The following C1QTNF7 variants were observed in gnomAD, a reference collection of about 807,000 sequenced individuals.
C1QTNF7 encodes the protein complement C1q tumor necrosis factor-related protein 7.
C1QTNF7 carries 15 observed loss-of-function variants against 19.6 expected under a neutral mutation model. The observed-to-expected ratio is 0.76, with a 90% CI of 0.51 to 1.18. C1QTNF7 has a LOEUF of 1.18. C1QTNF7 is among the 50% of genes most tolerant of loss of function. C1QTNF7 has a pLI of 0.00. For missense variants in C1QTNF7, 324 were observed against 359.7 expected (o/e 0.90, Z 0.80); for synonymous variants, 142 against 137.5 (o/e 1.03, Z -0.23).
chr4:15,405,154 T>C (rs917552995), intron 1 of C1QTNF7, among the ~76,000 whole-genome samples: 1 of 152,224 alleles, frequency 6.6e-6, no homozygotes, highest in Non-Finnish European at 1.5e-5. Flanking sequence ...GTTCAGCTGC[T>C]CATTAAAGAC....
chr4:15,374,079 T>C (rs1717833566), intron 1 of C1QTNF7: 1 of 152,194 alleles, frequency 6.6e-6, no homozygotes, highest in Non-Finnish European at 1.5e-5. Context: ...TCTTAAAAGA[T>C]CGAGAGTCAG....
chr4:15,367,444 A>G (rs1717566363), intron 1 of C1QTNF7, among the ~76,000 whole-genome samples: 2 of 152,158 alleles, frequency 1.3e-5, no homozygotes, highest in Admixed American at 6.6e-5. Flanking sequence ...ACCCAGTACT[A>G]CCAGCACCAT....
chr4:15,433,966 G>C (rs531931969), intron 1 of C1QTNF7, among the ~76,000 whole-genome samples: 1 of 152,160 alleles, frequency 6.6e-6, no homozygotes, highest in East Asian at 1.9e-4. Flanking sequence ...ACTGTGGCAG[G>C]GGGTGTGAAC....
chr4:15,432,428 C>A (rs1487839236), intron 1 of C1QTNF7, among the ~76,000 whole-genome samples: 1 of 152,186 alleles, frequency 6.6e-6, no homozygotes, highest in Non-Finnish European at 1.5e-5. Context: ...CAGGGTCTGG[C>A]TCTGTTGCTC....
chr4:15,411,757 A>G (rs1405383319), intron 1 of C1QTNF7, among the ~76,000 whole-genome samples: 14 of 152,146 alleles, frequency 9.2e-5, no homozygotes, highest in Admixed American at 8.5e-4. Flanking sequence ...AGCAGTTACC[A>G]TCTTATGGTT....
intron 2 of C1QTNF7, among the ~76,000 whole-genome samples, chr4:15,441,661 G>T (rs2108943091): frequency 6.6e-6 from 1 of 152,224 alleles, no homozygotes; most frequent in East Asian, 1.9e-4. Flanking sequence ...TACATATTCA[G>T]GAAAATTGAC....
rs1199494583 is a variant in C1QTNF7, at chr4:15,442,802, A to G, written c.*3A>G. The G allele has an allele frequency of 1.3e-6, 2 of 1,595,726 alleles. No homozygotes were observed. The highest frequency in any genetic ancestry group is 1.7e-6 in the Non-Finnish European group (2 of 1,171,984). ...TATCAGAAGATGATGAATTGTGATC[A>G]GGACCAAGATCCCTGTGGTAAACAC... On this transcript the variant is annotated 3_prime_UTR_variant, in exon 3 of 3. Transcript: ENST00000444304.
Position 15,442,508 on chromosome 4 carries a change from T to G in C1QTNF7, c.579T>G (p.Tyr193Ter), listed in dbSNP as rs1390794927. 6.2e-7 allele frequency: 1 copy of G among 1,614,200 alleles called. No individual in the cohort carries two copies. The highest frequency in any genetic ancestry group is 1.7e-5 in the Admixed American group (1 of 60,024). The change falls in exon 3 of 3, where the codon TAT becomes TAG. Residue 193 changes from tyrosine to a stop codon, truncating the protein, a stop_gained. Coordinates refer to ENST00000444304, the MANE Select transcript of C1QTNF7 (RefSeq NM_031911.5). LOFTEE classifies it high-confidence loss of function. Reference protein sequence around the residue: ...GKFICAFPGIYYFSYDITLAN... With the variant: ...GKFICAFPGI ...TCATCTGTGCTTTCCCAGGGATCTA[T>G]TACTTTTCTTATGATATCACATTGG...
At chr4:15,383,206 G>A (rs1443344752) in intron 1 of C1QTNF7, among the ~76,000 whole-genome samples, 1 of 152,072 alleles carries the variant, frequency 6.6e-6, no homozygotes, top group Non-Finnish European at 1.5e-5. Context: ...TCTTGGCAAT[G>A]GTAATATTTG....
chr4:15,341,945 C>A (rs927114934), intron 1 of C1QTNF7, among the ~76,000 whole-genome samples: 3 of 152,242 alleles, frequency 2.0e-5, no homozygotes, highest in Non-Finnish European at 2.9e-5. Flanking sequence ...TGGAGGCTGG[C>A]GGCATCTCTG....
At chr4:15,341,911 C>T (rs960999086) in intron 1 of C1QTNF7, among the ~76,000 whole-genome samples, 3 of 152,230 alleles carry the variant, frequency 2.0e-5, no homozygotes, top group African/African-American at 7.2e-5. Context: ...GAAGCCGGAG[C>T]GCGAACTTCC....
At chr4:15,374,572 C>G (rs1055176976) in intron 1 of C1QTNF7, 1 of 985,216 alleles carries the variant, frequency 1.0e-6, no homozygotes. Flanking sequence ...GGTCCTTGCC[C>G]GCTCCCTCTC....
chr4:15,440,930 C>G (rs986699670), intron 2 of C1QTNF7, among the ~76,000 whole-genome samples: 11 of 152,074 alleles, frequency 7.2e-5, no homozygotes, highest in Non-Finnish European at 1.3e-4. Flanking sequence ...CACCTGAGGT[C>G]AGGAGTTCGA....
At chr4:15,341,858 G>A (rs186516947) in intron 1 of C1QTNF7, among the ~76,000 whole-genome samples, 159 of 152,344 alleles carry the variant, frequency 1.0e-3, no homozygotes, top group African/African-American at 3.6e-3. Context: ...CTGGGGACGG[G>A]TGCGGCAGAG....
At chr4:15,374,507 G>A (rs918713856) in intron 1 of C1QTNF7, 33 of 946,124 alleles carry the variant, frequency 3.5e-5, no homozygotes, top group Non-Finnish European at 3.8e-5. Context: ...TCTTCTTTCG[G>A]GCTCGATCAA....
intron 1 of C1QTNF7, among the ~76,000 whole-genome samples, chr4:15,385,441 T>C (rs1471581547): frequency 3.3e-5 from 5 of 152,186 alleles, no homozygotes; most frequent in Non-Finnish European, 7.4e-5. Flanking sequence ...CATTCTCAGC[T>C]GAGGAGTGAC....
At chr4:15,362,869 C>T (rs957463295) in intron 1 of C1QTNF7, among the ~76,000 whole-genome samples, 3 of 152,194 alleles carry the variant, frequency 2.0e-5, no homozygotes, top group South Asian at 2.1e-4. Flanking sequence ...CTTTCACATA[C>T]ATTCCCTTGA....
At chr4:15,397,051 A>AG (rs2108904351) in intron 1 of C1QTNF7, among the ~76,000 whole-genome samples, 1 of 74,538 alleles carries the variant, frequency 1.3e-5, no homozygotes, top group African/African-American at 4.4e-5. Flanking sequence ...CAGCAGGCAA[A>AG]GGAGAATGAG....
chr4:15,375,898 G>A (rs967191519), intron 1 of C1QTNF7, among the ~76,000 whole-genome samples: 3 of 152,120 alleles, frequency 2.0e-5, no homozygotes, highest in Non-Finnish European at 2.9e-5. Flanking sequence ...TCCACATCCT[G>A]TACTGTTAAG....
Sources: allele counts gnomAD v4.1 joint callset (sites outside exome capture counted in the v4.1 genomes callset), GRCh38; gene constraint gnomAD v4.1.1; transcripts MANE v1.5; gene names NCBI Gene and HGNC (gene_info 2026-07-23, HGNC 2026-07-21).